Variants in SUGCT observed in about 807,000 individuals in gnomAD.
SUGCT encodes succinyl-CoA:glutarate-CoA transferase.
In SUGCT, 41 loss-of-function variants were observed where a neutral mutation model predicts 55.0. That is an observed-to-expected ratio of 0.74 (90% confidence interval 0.58 to 0.97). The LOEUF is 0.97. Among genes scored for constraint, SUGCT ranks in the 50% least tolerant of loss-of-function variants. The pLI, the probability that SUGCT is intolerant of heterozygous loss-of-function variation, is 0.00. For missense variants in SUGCT, 568 were observed against 547.8 expected, an observed-to-expected ratio of 1.04 and a Z score of -0.37; for synonymous variants, 187 against 200.4, an observed-to-expected ratio of 0.93 and a Z score of 0.56.
the SUGCT span, among the ~76,000 whole-genome samples, chr7:41,012,508 T>C: frequency 6.6e-6 from 1 of 152,194 alleles, no homozygotes; most frequent in African/African-American, 2.4e-5. Context: ...AGAGACTATG[T>C]TACCTAAAGC....
intron 9 of SUGCT, among the ~76,000 whole-genome samples, chr7:40,344,157 T>C (rs374128927): frequency 6.6e-6 from 1 of 152,222 alleles, no homozygotes; most frequent in African/African-American, 2.4e-5. Context: ...TGGATTTAAA[T>C]TGGCAGCTTA....
At chr7:40,527,979 A>G (rs184706401) in intron 12 of SUGCT, among the ~76,000 whole-genome samples, 1 of 152,322 alleles carries the variant, frequency 6.6e-6, no homozygotes, top group African/African-American at 2.4e-5. Context: ...ATGAGGTAGT[A>G]CAGCCTAGTG....
chr7:40,841,577 A>T (rs1793284695), intron 13 of SUGCT, among the ~76,000 whole-genome samples: 1 of 152,226 alleles, frequency 6.6e-6, no homozygotes, highest in Admixed American at 6.5e-5. Flanking sequence ...GTTATAATCC[A>T]CTTGTGTATT....
At chr7:40,977,715 T>A in the SUGCT span, among the ~76,000 whole-genome samples, 1 of 152,124 alleles carries the variant, frequency 6.6e-6, no homozygotes, top group African/African-American at 2.4e-5. Flanking sequence ...TCAGATAAGG[T>A]TATTTTCCTT....
In SUGCT at chr7:40,718,252, G is replaced by A. The variant is rs150465686; in HGVS notation, c.1090-31182G>A. 4.3e-4 allele frequency among the ~76,000 whole-genome samples: 66 copies of A among 152,242 alleles called. 2 individuals carry two copies. The East Asian group carries it at 0.01, about 23-fold the overall frequency. ...TATGTGTATTAAGACTCTAACCTCT[G>A]CAACCAAATCCAACAAAATCTTGTG... On this transcript the variant is annotated intron_variant, in intron 12 of 13. Coordinates refer to ENST00000335693, the MANE Select transcript of SUGCT (RefSeq NM_001193313.2).
chr7:40,918,414 T>C, the SUGCT span, among the ~76,000 whole-genome samples: 8 of 148,996 alleles, frequency 5.4e-5, no homozygotes, highest in South Asian at 1.7e-3. Flanking sequence ...TGAGCCAAGA[T>C]TGTGCCACTG....
intron 6 of SUGCT, among the ~76,000 whole-genome samples, chr7:40,219,389 A>G (rs773590012): frequency 2.0e-5 from 3 of 152,248 alleles, no homozygotes; most frequent in Non-Finnish European, 4.4e-5. Context: ...AGTGAAAGCA[A>G]GAGGTGCTCT....
In SUGCT at chr7:40,190,568, G is replaced by C. The variant is rs530889441; in HGVS notation, c.363+974G>C. Among the ~76,000 whole-genome samples the C allele has an allele frequency of 8.8e-4, 134 of 152,148 alleles. 1 individual carries two copies. The highest frequency in any genetic ancestry group is 7.4e-5 in the Non-Finnish European group (5 of 67,950). On this transcript the variant is annotated intron_variant, in intron 5 of 13. Coordinates refer to ENST00000335693, the MANE Select transcript of SUGCT (RefSeq NM_001193313.2). The stretch of plus-strand genomic sequence containing the variant: ...CCAGCCCAATAGTACCTACTCTCTA[G>C]GGTTGTTGTTAGAATTGAGTTAGTC...
intron 12 of SUGCT, among the ~76,000 whole-genome samples, chr7:40,542,455 C>T (rs11977974): frequency 0.011 from 1,611 of 152,052 alleles, 28 homozygotes; most frequent in African/African-American, 0.036. Context: ...AGGGTCTTGG[C>T]GATGATGTGG....
At chr7:40,136,390 C>G (rs1787698226) in intron 1 of SUGCT, among the ~76,000 whole-genome samples, 2 of 152,210 alleles carry the variant, frequency 1.3e-5, no homozygotes, top group Admixed American at 1.3e-4. Context: ...CCTCTTGTAG[C>G]TGCTACTCCT....
At chr7:40,353,607 C>T (rs922757204) in intron 9 of SUGCT, among the ~76,000 whole-genome samples, 1 of 151,992 alleles carries the variant, frequency 6.6e-6, no homozygotes, top group African/African-American at 2.4e-5. Context: ...ATTTTCTGTG[C>T]TTTACATCTC....
chr7:40,449,456 G>C (rs1789070521), intron 10 of SUGCT, 98 bp downstream of exon 10: 1 of 787,570 alleles, frequency 1.3e-6, no homozygotes, highest in African/African-American at 1.7e-5. Context: ...CCCTGTGTTA[G>C]CAACTAAAAG....
At chr7:40,898,818 G>C in the SUGCT span, among the ~76,000 whole-genome samples, 1 of 152,100 alleles carries the variant, frequency 6.6e-6, no homozygotes, top group Non-Finnish European at 1.5e-5. Flanking sequence ...ACAATACTCG[G>C]TGAGGCTTTT....
intron 9 of SUGCT, among the ~76,000 whole-genome samples, chr7:40,354,018 T>C (rs1797768256): frequency 6.6e-6 from 1 of 152,128 alleles, no homozygotes. Flanking sequence ...AATAGATAGA[T>C]GTATTAGTTT....
chr7:40,878,978 G>A, the SUGCT span, among the ~76,000 whole-genome samples: 1 of 151,882 alleles, frequency 6.6e-6, no homozygotes, highest in Non-Finnish European at 1.5e-5. Flanking sequence ...GTTTTTAATA[G>A]AGACAGGGTT....
At chr7:40,153,004 C>A in intron 1 of SUGCT, 1 of 191,080 alleles carries the variant, frequency 5.2e-6, no homozygotes, top group Non-Finnish European at 1.1e-5. Context: ...TGCGCCCAGC[C>A]AATTAATGTT....
chr7:40,435,945 C>CT (rs11297778), intron 9 of SUGCT, among the ~76,000 whole-genome samples: 53 of 114,552 alleles, frequency 4.6e-4, no homozygotes, highest in African/African-American at 1.5e-3. Context: ...CTTTTCTTTT[C>CT]TTTTTTTTTT....
At chr7:40,181,117 A>G (rs1400108857) in intron 2 of SUGCT, 119 bp downstream of exon 2, 2 of 769,904 alleles carry the variant, frequency 2.6e-6, no homozygotes, top group Non-Finnish European at 4.4e-6. Flanking sequence ...AGAGAAGAAA[A>G]TAAGAAAAGA....
chr7:40,457,303 A>G (rs1035687152), intron 10 of SUGCT, among the ~76,000 whole-genome samples: 2 of 152,080 alleles, frequency 1.3e-5, no homozygotes, highest in Non-Finnish European at 2.9e-5. Context: ...TTAGCCGGGC[A>G]TGATGGTGCG....
Sources: allele counts gnomAD v4.1 joint callset (sites outside exome capture counted in the v4.1 genomes callset), GRCh38; gene constraint gnomAD v4.1.1; transcripts MANE v1.5; gene names NCBI Gene and HGNC (gene_info 2026-07-23, HGNC 2026-07-21).